Variants in ACACA observed in about 807,000 individuals in gnomAD.
ACACA encodes the protein acetyl-CoA carboxylase 1.
In ACACA, 103 loss-of-function variants were observed where a neutral mutation model predicts 296.1. The observed-to-expected ratio is 0.35, with a 90% CI of 0.30 to 0.41. The LOEUF (loss-of-function observed/expected upper bound fraction) is 0.41. Among genes scored for constraint, ACACA ranks in the 10% least tolerant of loss-of-function variants. ACACA has a pLI of 1.00. For missense variants in ACACA, 1,554 were observed against 2,989.7 expected (o/e 0.52, Z 11.20); for synonymous variants, 953 against 1,038.6 (o/e 0.92, Z 1.58).
chr17:37,362,690 G>T (rs1458558209), intron 1 of ACACA, among the ~76,000 whole-genome samples: 1 of 152,118 alleles, frequency 6.6e-6, no homozygotes, highest in Non-Finnish European at 1.5e-5. Context: ...ACTAGGGTGC[G>T]CCAGGCGCGG....
In ACACA at chr17:37,113,245, T is replaced by G; in HGVS notation, c.6295A>C (p.Lys2099Gln). 1 of 1,614,106 alleles carries G rather than the reference T, an allele frequency of 6.2e-7. No homozygotes were observed. Among genetic ancestry groups the G allele is most frequent in the Non-Finnish European group, 8.5e-7 (1 of 1,179,984 alleles). Residue 2099 changes from lysine to glutamine, a missense_variant, in exon 51 of 56, where the codon AAG (lysine) becomes CAG (glutamine). Around this residue, in one of 16 missense-constraint regions of ACACA, gnomAD observed 553 missense variants for 1,043.6 expected, o/e 0.53. Transcript: ENST00000616317. The surrounding 1 kb of genome is among the most constrained non-coding windows in gnomAD (Gnocchi z 4.0). ...GMKDMYDQVLKFGAYIVDGLR... is the reference protein window; with the variant it reads ...GMKDMYDQVLQFGAYIVDGLR... Reference sequence around the variant, plus strand: ...CCATCCACAATGTAAGCACCAAACTTCAGCACTTGGTCGTACATATCTATG... The same window carrying G: ...CCATCCACAATGTAAGCACCAAACTGCAGCACTTGGTCGTACATATCTATG...
In ACACA at chr17:37,086,354, A is replaced by T. The variant is rs1485486826; in HGVS notation, c.*962T>A. 1 of 152,456 alleles carries T rather than the reference A, an allele frequency of 6.6e-6. No individual in the cohort carries two copies. The highest frequency in any genetic ancestry group is 2.4e-5 in the African/African-American group (1 of 41,470). The allele number at this position is 152,456 out of a possible 1,614,324, so 9.4% of individuals were successfully genotyped here. ...CATCCAAGCTCCAGGCTTCATAGGA[A>T]CAACTTTCCAAGTCCTCAAAACAAA... On this transcript the variant is annotated 3_prime_UTR_variant, in exon 56 of 56. Coordinates refer to ENST00000616317, the MANE Select transcript of ACACA (RefSeq NM_198834.3).
intron 1 of ACACA, among the ~76,000 whole-genome samples, chr17:37,385,533 C>T (rs555204450): frequency 6.6e-6 from 1 of 152,140 alleles, no homozygotes; most frequent in Admixed American, 6.6e-5. Context: ...GGTGGCTTTT[C>T]CTTCTTCCAG....
Position 37,161,903 on chromosome 17 carries a change from C to A in ACACA, c.5227G>T (p.Ala1743Ser). 6.2e-7 allele frequency: 1 copy of A among 1,614,202 alleles called. No individual in the cohort carries two copies. The highest frequency in any genetic ancestry group is 1.1e-5 in the South Asian group (1 of 91,080). The change falls in exon 42 of 56, where the codon GCT becomes TCT. Residue 1743 changes from alanine to serine, a missense_variant. By Grantham distance (99) the Ala-to-Ser change is moderately conservative (BLOSUM62 1). This residue lies in a region of ACACA where 553 missense variants were observed against 1,043.6 expected (regional missense o/e 0.53). Coordinates refer to ENST00000616317, the MANE Select transcript of ACACA (RefSeq NM_198834.3). ...DLLFLRASEL[A>S]RAEGIPRIYV... ...ATGCGTGGAATACCTTCTGCCCTAGCAAGTTCGGAAGCTCTGAGAAATAAC... is the reference window on the plus strand; with the variant it reads ...ATGCGTGGAATACCTTCTGCCCTAGAAAGTTCGGAAGCTCTGAGAAATAAC...
chr17:37,152,573 T>C (rs2144179657), intron 43 of ACACA, among the ~76,000 whole-genome samples: 1 of 152,208 alleles, frequency 6.6e-6, no homozygotes, highest in Non-Finnish European at 1.5e-5. Context: ...AGAAGTGAAA[T>C]GCTGACCAAG....
At chr17:37,174,020 A>ATATATTTTTT (rs552735515) in intron 41 of ACACA, among the ~76,000 whole-genome samples, 2 of 16,798 alleles carry the variant, frequency 1.2e-4, no homozygotes, top group African/African-American at 5.1e-4. Context: ...ATATATATAT[A>ATATATTTTTT]TTTTTTTTTT....
At chr17:37,361,532 A>G (rs1488638953) in intron 1 of ACACA, among the ~76,000 whole-genome samples, 1 of 151,826 alleles carries the variant, frequency 6.6e-6, no homozygotes, top group Non-Finnish European at 1.5e-5. Flanking sequence ...GCTACAGTGA[A>G]AAAAAAAGTA....
At chr17:37,284,102 TC>T (rs1277664037) in intron 4 of ACACA, among the ~76,000 whole-genome samples, 3 of 152,280 alleles carry the variant, frequency 2.0e-5, no homozygotes, top group Middle Eastern at 6.8e-3. Context: ...CAGGTCCCCA[TC>T]CTTTAATCTT....
rs372401789 is a variant in ACACA, at chr17:37,181,960, C to T, written c.4777-604G>A. Among the ~76,000 whole-genome samples, 29 of 147,466 alleles carry T rather than the reference C, an allele frequency of 2.0e-4. No homozygotes were observed. In the South Asian group the frequency reaches 4.8e-3, roughly 24 times the overall value. On this transcript the variant is annotated intron_variant, in intron 39 of 55. Transcript: ENST00000616317. ...AAACAAGAAAGCACGGTGCACATTT[C>T]GCATCTCAAAGACAGACTGACCATG...
At chr17:37,185,402 C>CTTTTTTTTTTTTTTTTTTTT (rs67821579) in intron 39 of ACACA, among the ~76,000 whole-genome samples, 1 of 48,438 alleles carries the variant, frequency 2.1e-5, no homozygotes, top group African/African-American at 9.2e-5. Context: ...CTGGCTATTT[C>CTTTTTTTTTTTTTTTTTTTT]TTTTTTTTTT....
At chr17:37,329,814 G>A (rs905316085) in intron 3 of ACACA, among the ~76,000 whole-genome samples, 3 of 151,196 alleles carry the variant, frequency 2.0e-5, no homozygotes, top group Non-Finnish European at 4.4e-5. Context: ...GGTGGCAGGC[G>A]CCTGTAATCC....
intron 5 of ACACA, among the ~76,000 whole-genome samples, chr17:37,281,692 C>G (rs2082543311): frequency 1.3e-5 from 2 of 151,804 alleles, no homozygotes; most frequent in South Asian, 4.2e-4. Context: ...ATGGTGAAAC[C>G]CTGTCTCTAC....
chr17:37,176,186 T>C (rs2077108459), intron 41 of ACACA, among the ~76,000 whole-genome samples: 1 of 152,192 alleles, frequency 6.6e-6, no homozygotes, highest in African/African-American at 2.4e-5. Context: ...CCTCAATTCA[T>C]GGGAAAACTC....
chr17:37,278,035 AC>A (rs1567929483), intron 5 of ACACA, 30 bp from the exon 6 acceptor site: 1 of 1,550,076 alleles, frequency 6.5e-7, no homozygotes, highest in Admixed American at 1.7e-5. Flanking sequence ...AATAGAGAAC[AC>A]ATGATTTTTT....
At chr17:37,317,880 T>C (rs1340336212) in intron 3 of ACACA, among the ~76,000 whole-genome samples, 1 of 151,948 alleles carries the variant, frequency 6.6e-6, no homozygotes, top group Non-Finnish European at 1.5e-5. Context: ...AAGGGGAGGA[T>C]GGGAGATGGA....
At chr17:37,302,446 G>A (rs921791765) in intron 3 of ACACA, among the ~76,000 whole-genome samples, 5 of 152,044 alleles carry the variant, frequency 3.3e-5, no homozygotes, top group African/African-American at 1.2e-4. Context: ...CTGACCTCAG[G>A]TGATCCACCC....
At chr17:37,278,118 C>CT in intron 5 of ACACA, 113 bp from the exon 6 acceptor site, 1 of 785,668 alleles carries the variant, frequency 1.3e-6, no homozygotes, top group South Asian at 1.4e-5. Context: ...ACAGGACAAA[C>CT]AGCATTAGTA....
Position 37,258,266 on chromosome 17 carries a change from A to T in ACACA, c.1608T>A (p.Pro536=). Residue 536 remains proline, a synonymous_variant, in exon 13 of 56, where the codon CCT becomes CCA. Transcript: ENST00000616317. ...CAGCAATAACATGGCCCCTTGGACAAGGAACGTGTGCAGAATCTTCAAAAT... is the reference window on the plus strand; with the variant it reads ...CAGCAATAACATGGCCCCTTGGACATGGAACGTGTGCAGAATCTTCAAAAT... ...PIDFEDSAHV[P]CPRGHVIAAR... is the part of the protein sequence containing the mutation. 1 of 1,614,144 alleles carries T rather than the reference A, an allele frequency of 6.2e-7. No homozygotes were observed. The highest frequency in any genetic ancestry group is 8.5e-7 in the Non-Finnish European group (1 of 1,179,998).
At chr17:37,209,607 C>A (rs1653812051) in intron 30 of ACACA, among the ~76,000 whole-genome samples, 1 of 152,154 alleles carries the variant, frequency 6.6e-6, no homozygotes, top group Admixed American at 6.5e-5. Flanking sequence ...CTCTCCACAT[C>A]CAAATTGGGA....
Sources: gnomAD v4.1 joint callset for allele counts (sites outside exome capture counted in the v4.1 genomes callset) on GRCh38, gnomAD v4.1.1 for gene constraint, gnomAD v4.1.1 regional missense constraint, Gnocchi (gnomAD v3.1) non-coding constraint, MANE v1.5 for transcripts, NCBI Gene and HGNC (gene_info 2026-07-23, HGNC 2026-07-21) for gene names.